CENPK: variants seen among roughly 807,000 people sequenced by gnomAD.
The protein encoded by CENPK is centromere protein K, also known as SoxLZ/Sox6-binding protein Solt.
Under a neutral mutation model 40.9 loss-of-function variants are expected in CENPK, and 46 were observed. The observed-to-expected ratio is 1.13, with a 90% CI of 0.89 to 1.44. The LOEUF (loss-of-function observed/expected upper bound fraction) is 1.44, where lower values mean the gene tolerates loss of function less well. CENPK is among the 40% of genes most tolerant of loss of function. The pLI is 0.00. For missense variants in CENPK, 288 were observed against 303.5 expected, an observed-to-expected ratio of 0.95 and a Z score of 0.38; for synonymous variants, 107 against 104.4, an observed-to-expected ratio of 1.02 and a Z score of -0.15.
Position 65,552,533 on chromosome 5 carries a change from G to A in CENPK, c.128C>T (p.Ser43Leu). The A allele has an allele frequency of 6.5e-7, 1 of 1,539,664 alleles. No homozygotes were observed. Among genetic ancestry groups the A allele is most frequent in the East Asian group, 2.4e-5 (1 of 40,946 alleles). Residue 43 changes from serine (S) to leucine (L), a missense_variant, in exon 4 of 11, where the codon TCA becomes TTA. Physicochemically the swap from Ser to Leu is moderately radical, Grantham distance 145. Coordinates refer to ENST00000396679, the MANE Select transcript of CENPK (RefSeq NM_022145.5). ...GGTGAGTGTTTCAGTTCCAATAAGT[G>A]ATAATTTATTCTGACACTTGATTTA... ...KDMEECQNKL[S>L]LIGTETLTDS...
chr5:65,518,774 CT>C lies in CENPK; in HGVS notation c.652-142del, dbSNP rs1743175698. ...CTTTTAATCTACAAATTTGAATTTCCTTTTTGAAAGGACTATGGGTATTAGC... is the reference window on the plus strand; with the variant it reads ...CTTTTAATCTACAAATTTGAATTTCCTTTTGAAAGGACTATGGGTATTAGC... On this transcript the variant is annotated intron_variant, in intron 10 of 10. Coordinates refer to ENST00000396679, the MANE Select transcript of CENPK (RefSeq NM_022145.5). 45 of 573,108 alleles carry C rather than the reference CT, an allele frequency of 7.9e-5. No individual in the cohort carries two copies. In the South Asian group the frequency reaches 1.2e-3, roughly 15 times the overall value. The allele number at this position is 573,108 out of a possible 1,614,324, so 35.5% of individuals were successfully genotyped here. A position where few individuals can be genotyped will look rare whatever the true frequency, so the allele number is the denominator to read the frequency against.
At chr5:65,536,700 A>G (rs1746966116) in intron 6 of CENPK, among the ~76,000 whole-genome samples, 1 of 151,616 alleles carries the variant, frequency 6.6e-6, no homozygotes, top group South Asian at 2.1e-4. Context: ...TCCATGTATT[A>G]TTTATTTTAT....
intron 2 of CENPK, among the ~76,000 whole-genome samples, chr5:65,558,887 G>C (rs430360): frequency 6.6e-5 from 10 of 151,466 alleles, no homozygotes; most frequent in Admixed American, 5.2e-4. Context: ...AATTATGATA[G>C]TAGTACTGCA....
chr5:65,536,228 C>T lies in CENPK; in HGVS notation c.288+6574G>A, dbSNP rs537541162. On this transcript the variant is annotated intron_variant, in intron 6 of 10. Coordinates refer to ENST00000396679, the MANE Select transcript of CENPK (RefSeq NM_022145.5). ...GCTAGTTTGGGGTTGCTAAGAGTTGCTATGAAAGGGAAAAATTTTGCTGGA... is the reference window on the plus strand; with the variant it reads ...GCTAGTTTGGGGTTGCTAAGAGTTGTTATGAAAGGGAAAAATTTTGCTGGA... 3.4e-4 allele frequency among the ~76,000 whole-genome samples: 52 copies of T among 152,272 alleles called. 1 individual carries two copies. The South Asian group carries it at 0.01, about 30-fold the overall frequency.
chr5:65,495,899 T>A, the CENPK span, among the ~76,000 whole-genome samples: 2 of 152,220 alleles, frequency 1.3e-5, no homozygotes, highest in Admixed American at 1.3e-4. Context: ...GGCACTCTCA[T>A]ACACTGCTGG....
the CENPK span, among the ~76,000 whole-genome samples, chr5:65,504,298 A>C: frequency 1.3e-5 from 2 of 151,934 alleles, no homozygotes; most frequent in South Asian, 4.2e-4. Context: ...CTCTACTAAA[A>C]ATACAAAATT....
chr5:65,558,533 A>C (rs563200651), intron 2 of CENPK, among the ~76,000 whole-genome samples: 4 of 152,344 alleles, frequency 2.6e-5, no homozygotes, highest in African/African-American at 9.6e-5. Context: ...GTTATCAGCT[A>C]TGAAAGGATG....
At chr5:65,510,720 G>A in the CENPK span, among the ~76,000 whole-genome samples, 1 of 150,882 alleles carries the variant, frequency 6.6e-6, no homozygotes, top group Non-Finnish European at 1.5e-5. Context: ...AGGTTGCAGT[G>A]AGCCGAGATT....
At chr5:65,509,900 G>C in the CENPK span, among the ~76,000 whole-genome samples, 2 of 152,176 alleles carry the variant, frequency 1.3e-5, no homozygotes, top group Admixed American at 1.3e-4. Flanking sequence ...ACAGATCAGT[G>C]TAATTGTTTG....
At chr5:65,516,335 T>C (rs1580855574), downstream of CENPK, among the ~76,000 whole-genome samples, 1 of 152,232 alleles carries the variant, frequency 6.6e-6, no homozygotes, top group African/African-American at 2.4e-5. Context: ...TATTAATCGA[T>C]CTTTTGTTCT....
At chr5:65,548,857 C>T (rs1266469041) in intron 5 of CENPK, among the ~76,000 whole-genome samples, 1 of 152,024 alleles carries the variant, frequency 6.6e-6, no homozygotes, top group Admixed American at 6.6e-5. Flanking sequence ...TTACTTGAAC[C>T]CCTCAGAGTC....
chr5:65,513,712 A>G (rs1742664708), downstream of CENPK, among the ~76,000 whole-genome samples: 1 of 152,178 alleles, frequency 6.6e-6, no homozygotes, highest in Non-Finnish European at 1.5e-5. Context: ...AGACATAGGA[A>G]TTTTGTCTTA....
In CENPK at chr5:65,517,819, A is replaced by G. The variant is rs1259977140; in HGVS notation, c.*656T>C. ...CAGAAAATTCACAGAGGATTAATAA[A>G]ATGTCATGAATACAATTTTGTTGGT... On this transcript the variant is annotated 3_prime_UTR_variant, in exon 11 of 11. Transcript: ENST00000396679. 6.6e-6 allele frequency: 1 copy of G among 152,128 alleles called. No individual in the cohort carries two copies. The allele number at this position is 152,128 out of a possible 1,614,324, so 9.4% of individuals were successfully genotyped here.
intron 10 of CENPK, 89 bp from the exon 11 acceptor site, chr5:65,518,722 CTTTTCT>C (rs950338598): frequency 7.7e-5 from 59 of 767,952 alleles, no homozygotes; most frequent in African/African-American, 2.3e-4. Context: ...ATATTGACCT[CTTTTCT>C]TTTTCAACAA....
intron 2 of CENPK, among the ~76,000 whole-genome samples, chr5:65,558,971 G>A (rs1205502021): frequency 6.6e-6 from 1 of 152,192 alleles, no homozygotes; most frequent in Non-Finnish European, 1.5e-5. Flanking sequence ...GATGATTCCT[G>A]CAAAGAATGG....
intron 6 of CENPK, among the ~76,000 whole-genome samples, chr5:65,532,657 C>T (rs920972185): frequency 6.6e-6 from 1 of 151,764 alleles, no homozygotes; most frequent in Non-Finnish European, 1.5e-5. Context: ...TGCCTGTAAT[C>T]CCAGGACTTT....
chr5:65,508,786 TA>T, the CENPK span, among the ~76,000 whole-genome samples: 268 of 85,988 alleles, frequency 3.1e-3, 1 homozygote, highest in African/African-American at 7.8e-3. Context: ...AGACTCCATC[TA>T]AAAAAAAAAA....
At chr5:65,550,480 A>T (rs956664022) in intron 5 of CENPK, 7 of 152,208 alleles carry the variant, frequency 4.6e-5, no homozygotes, top group African/African-American at 7.2e-5. Flanking sequence ...GAATACACAC[A>T]ACATTTATTG....
chr5:65,559,486 G>A (rs1033211006), intron 2 of CENPK, among the ~76,000 whole-genome samples: 12 of 151,636 alleles, frequency 7.9e-5, no homozygotes, highest in African/African-American at 2.2e-4. Context: ...AAAATTAGCC[G>A]GGCGTAGTGG....
Sources: gnomAD v4.1 joint callset for allele counts (sites outside exome capture counted in the v4.1 genomes callset) on GRCh38, gnomAD v4.1.1 for gene constraint, MANE v1.5 for transcripts, NCBI Gene and HGNC (gene_info 2026-07-23, HGNC 2026-07-21) for gene names.